Variants in ANK3 observed in about 807,000 individuals in gnomAD.
ANK3 encodes ankyrin-3.
A neutral mutation model predicts 370.9 loss-of-function variants in ANK3; 57 were observed. The observed-to-expected ratio is 0.15, with a 90% CI of 0.12 to 0.19. The LOEUF (loss-of-function observed/expected upper bound fraction) is 0.19, where lower values mean the gene tolerates loss of function less well. ANK3 is among the 10% of genes least tolerant of loss of function. The pLI, the probability that ANK3 is intolerant of heterozygous loss-of-function variation, is 1.00. For synonymous variants in ANK3, 1,929 were observed against 1,946.3 expected (o/e 0.99, Z 0.23); for missense variants, 4,439 against 5,302.1 (o/e 0.84, Z 5.06).
intron 2 of ANK3, among the ~76,000 whole-genome samples, chr10:60,600,883 C>A (rs1321719047): frequency 1.3e-5 from 2 of 151,938 alleles, no homozygotes; most frequent in East Asian, 3.9e-4. Context: ...AGAACAAAGC[C>A]AATAAGGTAG....
At chr10:60,204,659 T>G (rs1467642389) in intron 11 of ANK3, among the ~76,000 whole-genome samples, 1 of 152,172 alleles carries the variant, frequency 6.6e-6, no homozygotes, top group Non-Finnish European at 1.5e-5. Context: ...AACAAAACTT[T>G]ACTGAATGAT....
At chr10:60,530,635 G>C (rs1226337537) in intron 2 of ANK3, among the ~76,000 whole-genome samples, 1 of 152,114 alleles carries the variant, frequency 6.6e-6, no homozygotes, top group Non-Finnish European at 1.5e-5. Context: ...AGCTGACCCT[G>C]CTAAGGAAGG....
rs141929742 is a variant in ANK3 at position 60,278,582 on chromosome 10, G to A, written c.414+192C>T. On this transcript the variant is annotated intron_variant, in intron 4 of 43. Coordinates refer to ENST00000280772, the MANE Select transcript of ANK3 (RefSeq NM_020987.5). Reference sequence around the variant, plus strand: ...AGACAGGATTTCACCATGTTGGCCAGGCTGGTCTCAAACTCCTGCCTCAAG... The same window carrying A: ...AGACAGGATTTCACCATGTTGGCCAAGCTGGTCTCAAACTCCTGCCTCAAG... 1.1e-3 allele frequency among the ~76,000 whole-genome samples: 165 copies of A among 152,212 alleles called. No individual in the cohort carries two copies. In the East Asian group the frequency reaches 0.017, roughly 16 times the overall value.
chr10:60,617,868 T>C (rs955564359), intron 1 of ANK3, among the ~76,000 whole-genome samples: 4 of 152,186 alleles, frequency 2.6e-5, no homozygotes, highest in African/African-American at 9.7e-5. Flanking sequence ...CACATCTTAT[T>C]ACATAGGCCA....
intron 42 of ANK3, chr10:60,044,409 AAAC>A: frequency 1.2e-6 from 1 of 811,744 alleles, no homozygotes; most frequent in Non-Finnish European, 1.5e-6. Flanking sequence ...ACACTACTCC[AAAC>A]ACCACACACA....
chr10:60,049,533 G>A (rs1393526131), intron 42 of ANK3, among the ~76,000 whole-genome samples: 1 of 152,004 alleles, frequency 6.6e-6, no homozygotes, highest in Non-Finnish European at 1.5e-5. Context: ...GTTGCAGTGA[G>A]CCGAGATTAC....
At chr10:60,219,955 T>G (rs2097014090) in intron 8 of ANK3, among the ~76,000 whole-genome samples, 1 of 152,218 alleles carries the variant, frequency 6.6e-6, no homozygotes, top group Non-Finnish European at 1.5e-5. Context: ...CACGTTTATA[T>G]CTTCTGCCTT....
At chr10:60,265,214 C>T (rs2097859616) in intron 5 of ANK3, among the ~76,000 whole-genome samples, 1 of 152,038 alleles carries the variant, frequency 6.6e-6, no homozygotes, top group Admixed American at 6.6e-5. Flanking sequence ...AAAATAAAAA[C>T]AAAAACTTAT....
chr10:60,444,447 TA>T (rs2064386615), intron 2 of ANK3, among the ~76,000 whole-genome samples: 1 of 136,322 alleles, frequency 7.3e-6, no homozygotes, highest in African/African-American at 2.7e-5. Context: ...TGTGTGTGTA[TA>T]TATATATATA....
rs572875148 is a variant in ANK3 at position 60,377,813 on chromosome 10, A to G, written c.114+11612T>C. 1.6e-4 allele frequency among the ~76,000 whole-genome samples: 24 copies of G among 152,280 alleles called. 1 individual carries two copies. Among genetic ancestry groups the G allele is most frequent in the Middle Eastern group, 3.4e-3 (1 of 292 alleles). On this transcript the variant is annotated intron_variant, in intron 1 of 43. Coordinates refer to ENST00000280772, the MANE Select transcript of ANK3 (RefSeq NM_020987.5). ...TAATAGTGATAAAAAGCAATTTCTA[A>G]GCCTTGATTTCCTCATCAGCAAAAT...
At position 60,075,214 on chromosome 10, in the gene ANK3, C is replaced by T; in HGVS notation, c.5667G>A (p.Leu1889=). The change falls in exon 37 of 44, where the codon TTG becomes TTA. Residue 1889 remains leucine, a synonymous_variant. Transcript: ENST00000280772. Reference sequence around the variant, plus strand: ...TGGAAGATAAAGAAGATGGTGTAGACAACTTAAGGGCAGAGGGTGCAAGGA... The same window carrying T: ...TGGAAGATAAAGAAGATGGTGTAGATAACTTAAGGGCAGAGGGTGCAAGGA... ...SLFLAPSALK[L]STPSSLSSSQ... is the part of the protein sequence containing the mutation. 2 of 1,614,070 alleles carry T rather than the reference C, an allele frequency of 1.2e-6. No homozygotes were observed. The highest frequency in any genetic ancestry group is 2.2e-5 in the South Asian group (2 of 91,072).
chr10:60,229,355 T>C, intron 8 of ANK3, among the ~76,000 whole-genome samples: 1 of 152,214 alleles, frequency 6.6e-6, no homozygotes, highest in East Asian at 1.9e-4. Flanking sequence ...TGTTTTAGAA[T>C]TTCTTTTTCA....
rs183316465 is a variant in ANK3, at chr10:60,275,454, G to C, written c.414+3320C>G. On this transcript the variant is annotated intron_variant, in intron 4 of 43. Transcript: ENST00000280772. ...CCATGAAATTTTTCTACTCATTCTA[G>C]TTTTCTATGGCCAGCCTTTGCACAT... 1.9e-3 allele frequency among the ~76,000 whole-genome samples: 285 copies of C among 152,192 alleles called. 1 individual carries two copies. Among genetic ancestry groups the C allele is most frequent in the African/African-American group, 6.5e-3 (270 of 41,528 alleles).
At chr10:60,329,016 G>A (rs1213736046) in intron 1 of ANK3, among the ~76,000 whole-genome samples, 1 of 152,078 alleles carries the variant, frequency 6.6e-6, no homozygotes. Flanking sequence ...CACATAAACA[G>A]AACCAATGAC....
intron 1 of ANK3, among the ~76,000 whole-genome samples, chr10:60,712,733 G>T (rs1354196720): frequency 6.6e-6 from 1 of 151,904 alleles, no homozygotes; most frequent in Non-Finnish European, 1.5e-5. Flanking sequence ...TAAATATAAA[G>T]AAACACATAA....
rs776098021 is a variant in ANK3, at chr10:60,069,426, C to G, written c.11455G>C (p.Glu3819Gln). The change falls in exon 37 of 44, where the codon GAG (glutamate) becomes CAG (glutamine). Residue 3819 changes from glutamate (E) to glutamine (Q), a missense_variant. Around this residue, in one of 13 missense-constraint regions of ANK3, gnomAD observed 496 missense variants for 529.3 expected, o/e 0.94. Transcript: ENST00000280772. ...GAGACTTTCACTGGGTTATCTTTCT[C>G]TGTGGTACAAGTGGGTGCAGAATGT... ...TEHSAPTCTT[E>Q]KDNPVKVSSG... is the part of the protein sequence containing the mutation. The G allele has an allele frequency of 8.1e-6, 13 of 1,614,020 alleles. No individual in the cohort carries two copies. Among genetic ancestry groups the G allele is most frequent in the South Asian group, 2.2e-5 (2 of 91,058 alleles).
Position 60,075,006 on chromosome 10 carries a change from T to C in ANK3, c.5875A>G (p.Ser1959Gly), listed in dbSNP as rs1273679604. The C allele has an allele frequency of 1.2e-6, 2 of 1,613,898 alleles. No homozygotes were observed. Among genetic ancestry groups the C allele is most frequent in the Non-Finnish European group, 1.7e-6 (2 of 1,180,000 alleles). Residue 1959 changes from serine to glycine, a missense_variant, in exon 37 of 44, where the codon AGT becomes GGT. By Grantham distance (56) the Ser-to-Gly change is moderately conservative. Transcript: ENST00000280772. ...EKVKEDLVKVSEILKKDVCVD... is the reference protein window; with the variant it reads ...EKVKEDLVKVGEILKKDVCVD... ...CATACATCCTTTTTAAGGATTTCAC[T>C]AACTTTCACTAAGTCTTCCTTTACT...
intron 1 of ANK3, among the ~76,000 whole-genome samples, chr10:60,342,341 T>C (rs544854386): frequency 1.3e-5 from 2 of 152,312 alleles, no homozygotes; most frequent in East Asian, 3.9e-4. Context: ...TCTTATTAAA[T>C]GAGTCAATTT....
chr10:60,316,968 G>C (rs547667601), intron 1 of ANK3, among the ~76,000 whole-genome samples: 1 of 152,000 alleles, frequency 6.6e-6, no homozygotes, highest in Non-Finnish European at 1.5e-5. Context: ...GGATGGTCTC[G>C]ATCTCCTGAC....
Sources: gnomAD v4.1 joint callset for allele counts (sites outside exome capture counted in the v4.1 genomes callset) on GRCh38, gnomAD v4.1.1 for gene constraint, gnomAD v4.1.1 regional missense constraint, MANE v1.5 for transcripts, NCBI Gene and HGNC (gene_info 2026-07-23, HGNC 2026-07-21) for gene names.